The following ZAP70 variants were observed in gnomAD, a reference collection of about 807,000 sequenced individuals.
ZAP70 encodes the protein zeta chain of T cell receptor associated protein kinase 70, also known as tyrosine-protein kinase ZAP-70.
A neutral mutation model predicts 65.8 loss-of-function variants in ZAP70; 27 were observed. That is an observed-to-expected ratio of 0.41 (90% confidence interval 0.30 to 0.57). ZAP70 has a LOEUF of 0.57. Ranked by LOEUF, ZAP70 falls within the 20% of genes least tolerant of loss-of-function variation. The pLI, the probability that ZAP70 is intolerant of heterozygous loss-of-function variation, is 0.28. For synonymous variants in ZAP70, 363 were observed against 360.8 expected, an observed-to-expected ratio of 1.01 and a Z score of -0.07; for missense variants, 696 against 870.5, an observed-to-expected ratio of 0.80 and a Z score of 2.52.
At chr2:97,721,936 A>C (rs1184575429) in intron 2 of ZAP70, among the ~76,000 whole-genome samples, 1 of 150,720 alleles carries the variant, frequency 6.6e-6, no homozygotes, top group Admixed American at 6.6e-5. Flanking sequence ...GGCACCTGCC[A>C]CCATGCCCGG....
chr2:97,750,871 T>G, the ZAP70 span, among the ~76,000 whole-genome samples: 3 of 152,354 alleles, frequency 2.0e-5, no homozygotes, highest in East Asian at 5.8e-4. Flanking sequence ...CGGTTGGACT[T>G]TCAGAGCAGA....
At chr2:97,741,088 G>T (rs190564624), downstream of ZAP70, among the ~76,000 whole-genome samples, 2 of 152,122 alleles carry the variant, frequency 1.3e-5, no homozygotes, top group Non-Finnish European at 1.5e-5. Flanking sequence ...GCTTTTCTAC[G>T]GAACATGTTC....
intron 2 of ZAP70, among the ~76,000 whole-genome samples, chr2:97,722,724 G>A (rs1319147547): frequency 6.6e-6 from 1 of 152,134 alleles, no homozygotes; most frequent in African/African-American, 2.4e-5. Context: ...CAGTGTTTTC[G>A]TTGACTTTAT....
chr2:97,734,260 G>A, intron 8 of ZAP70: 1 of 1,001,818 alleles, frequency 1.0e-6, no homozygotes. Flanking sequence ...AGCTGGCACA[G>A]TAACGGTGCC....
chr2:97,731,581 A>AC lies in ZAP70; in HGVS notation c.564-1301dup, dbSNP rs1677609615. On this transcript the variant is annotated intron_variant, in intron 4 of 13. Coordinates refer to ENST00000264972, the MANE Select transcript of ZAP70 (RefSeq NM_001079.4). This position sits in a 1 kb window ranked among gnomAD's most constrained non-coding sequence, Gnocchi z 4.0. ...CCTTCACTGCACTGTACTTCGGGGA[A>AC]CGTGCTGTCCAGGAATGGAGAGGAT... Among the ~76,000 whole-genome samples, 1 of 152,114 alleles carries AC rather than the reference A, an allele frequency of 6.6e-6. No individual in the cohort carries two copies. Among genetic ancestry groups the AC allele is most frequent in the South Asian group, 2.1e-4 (1 of 4,820 alleles).
At chr2:97,744,201 G>T (rs1678195723), downstream of ZAP70, among the ~76,000 whole-genome samples, 1 of 152,208 alleles carries the variant, frequency 6.6e-6, no homozygotes, top group African/African-American at 2.4e-5. Flanking sequence ...CCCTGGCCCG[G>T]TGCTCCCCTC....
At chr2:97,745,637 A>G in the ZAP70 span, among the ~76,000 whole-genome samples, 1 of 152,214 alleles carries the variant, frequency 6.6e-6, no homozygotes, top group African/African-American at 2.4e-5. Flanking sequence ...ACCTCCTAGG[A>G]TGGCCGTGTG....
In ZAP70 at chr2:97,725,232, G is replaced by T. The variant is rs372103325; in HGVS notation, c.543G>T (p.Ala181=). 1.2e-6 allele frequency: 2 copies of T among 1,613,560 alleles called. No homozygotes were observed. Among genetic ancestry groups the T allele is most frequent in the East Asian group, 2.2e-5 (1 of 44,870 alleles). ...CCGAGCGCAAACTTTACTCTGGGGC[G>T]CAGACCGACGGCAAGTTCCTGTATG... The part of the protein sequence containing the change: ...EEAERKLYSG[A]QTDGKFLLRP... The change falls in exon 4 of 14, where the codon GCG becomes GCT. Residue 181 remains alanine, a synonymous_variant. Coordinates refer to ENST00000264972, the MANE Select transcript of ZAP70 (RefSeq NM_001079.4).
chr2:97,754,313 G>A, the ZAP70 span, among the ~76,000 whole-genome samples: 2 of 152,136 alleles, frequency 1.3e-5, no homozygotes, highest in African/African-American at 4.8e-5. Context: ...TGGTCGGGGG[G>A]GGTCTCAGGC....
Position 97,725,063 on chromosome 2 carries a change from T to C in ZAP70, c.403-29T>C, listed in dbSNP as rs201090013. ...CCTGTGGCGAGCACTTGGCCACACC[T>C]ACAGACCTCCTCGCCTCTCCTTTTC... On this transcript the variant is annotated intron_variant, in intron 3 of 13. Transcript: ENST00000264972. The C allele has an allele frequency of 2.2e-5, 36 of 1,612,982 alleles. 1 individual carries two copies. The South Asian group carries it at 3.5e-4, about 16-fold the overall frequency.
Position 97,737,329 on chromosome 2 carries a change from G to T in ZAP70, c.1290-144G>T. ...TTCACTGCTGTGTCCCCAGCCCCAC[G>T]CCTGGCACACAGCAGGTGCTCAATA... On this transcript the variant is annotated intron_variant, in intron 10 of 13. Coordinates refer to ENST00000264972, the MANE Select transcript of ZAP70 (RefSeq NM_001079.4). The surrounding 1 kb of genome is among the most constrained non-coding windows in gnomAD (Gnocchi z 5.0). 1.2e-6 allele frequency: 1 copy of T among 816,808 alleles called. No individual in the cohort carries two copies. The allele number at this position is 816,808 out of a possible 1,614,324, so 50.6% of individuals were successfully genotyped here. A position where few individuals can be genotyped will look rare whatever the true frequency, so the allele number is the denominator to read the frequency against.
At chr2:97,729,810 T>G (rs1677530894) in intron 4 of ZAP70, among the ~76,000 whole-genome samples, 1 of 152,172 alleles carries the variant, frequency 6.6e-6, no homozygotes. Context: ...TTGTGGTTAT[T>G]ATCTGGGAAT....
At position 97,731,850 on chromosome 2, in the gene ZAP70, G is replaced by A. The variant is rs1452266621; in HGVS notation, c.564-1033G>A. Among the ~76,000 whole-genome samples the A allele has an allele frequency of 1.3e-5, 2 of 152,184 alleles. No individual in the cohort carries two copies. The highest frequency in any genetic ancestry group is 2.9e-5 in the Non-Finnish European group (2 of 68,044). ...CACAAGGGCTCTTCTGTAGTGCAGT[G>A]CAATCCCTGAGATCAGGAGTCGGCT... On this transcript the variant is annotated intron_variant, in intron 4 of 13. Transcript: ENST00000264972. This position sits in a 1 kb window ranked among gnomAD's most constrained non-coding sequence, Gnocchi z 4.0.
chr2:97,724,781 G>A lies in ZAP70; in HGVS notation c.403-311G>A, dbSNP rs1677312242. 3 of 1,505,582 alleles carry A rather than the reference G, an allele frequency of 2.0e-6. No individual in the cohort carries two copies. The East Asian group carries it at 7.9e-5, about 39-fold the overall frequency. 93.3% of individuals were successfully genotyped at this position (1,505,582 alleles called of 1,614,324 possible). A position where few individuals can be genotyped will look rare whatever the true frequency, so the allele number is the denominator to read the frequency against. On this transcript the variant is annotated intron_variant, in intron 3 of 13. Transcript: ENST00000264972. The stretch of plus-strand genomic sequence containing the variant: ...GGCTAGGGTGAGCCCTTAGGGTAGG[G>A]TGGCTGTTGGGGAAGATGGGCAGTA...
At chr2:97,752,811 C>T in the ZAP70 span, among the ~76,000 whole-genome samples, 1 of 152,036 alleles carries the variant, frequency 6.6e-6, no homozygotes, top group African/African-American at 2.4e-5. Flanking sequence ...TCCAACCTGC[C>T]CATGTGGGAG....
chr2:97,741,204 G>A (rs577692297), downstream of ZAP70, among the ~76,000 whole-genome samples: 1 of 152,308 alleles, frequency 6.6e-6, no homozygotes, highest in South Asian at 2.1e-4. Flanking sequence ...TTTCAGTCAT[G>A]CAAGCCCCAT....
downstream of ZAP70, among the ~76,000 whole-genome samples, chr2:97,742,413 G>A (rs1283888141): frequency 1.3e-5 from 2 of 152,264 alleles, no homozygotes; most frequent in East Asian, 1.9e-4. Context: ...TGCTGTGAAC[G>A]TCTCATGGCC....
chr2:97,732,293 A>G (rs1677642651), intron 4 of ZAP70, among the ~76,000 whole-genome samples: 1 of 152,236 alleles, frequency 6.6e-6, no homozygotes, highest in Non-Finnish European at 1.5e-5. Context: ...TGATTTGCAC[A>G]GGGGTGCCCT....
At chr2:97,714,224 G>T (rs766728757) in intron 2 of ZAP70, among the ~76,000 whole-genome samples, 200 of 152,192 alleles carry the variant, frequency 1.3e-3, no homozygotes, top group Non-Finnish European at 1.2e-3. Flanking sequence ...GGGCTGTTCA[G>T]GGGACACGGT....
Sources: gnomAD v4.1 joint callset for allele counts (sites outside exome capture counted in the v4.1 genomes callset) on GRCh38, gnomAD v4.1.1 for gene constraint, Gnocchi (gnomAD v3.1) non-coding constraint, MANE v1.5 for transcripts, NCBI Gene and HGNC (gene_info 2026-07-23, HGNC 2026-07-21) for gene names.